The following GATAD2B variants were observed in gnomAD, a reference collection of about 807,000 sequenced individuals.
The protein encoded by GATAD2B is transcriptional repressor p66-beta.
Under a neutral mutation model 64.3 loss-of-function variants are expected in GATAD2B, and 8 were observed. That is an observed-to-expected ratio of 0.12 (90% CI 0.07 to 0.22). The LOEUF (loss-of-function observed/expected upper bound fraction) is 0.22. Ranked by LOEUF, GATAD2B falls within the 10% of genes least tolerant of loss-of-function variation. The pLI, the probability that GATAD2B is intolerant of heterozygous loss-of-function variation, is 1.00. For synonymous variants in GATAD2B, 281 were observed against 271.3 expected (o/e 1.04, Z -0.35); for missense variants, 453 against 752.0 (o/e 0.60, Z 4.65).
chr1:153,850,653 C>T (rs1325871377), intron 1 of GATAD2B, among the ~76,000 whole-genome samples: 4 of 152,004 alleles, frequency 2.6e-5, no homozygotes, highest in Non-Finnish European at 4.4e-5. Context: ...GGTGCGGTGG[C>T]TCACACCTGT....
chr1:153,898,139 AC>A (rs1468534493), intron 1 of GATAD2B, among the ~76,000 whole-genome samples: 3 of 151,718 alleles, frequency 2.0e-5, no homozygotes, highest in Admixed American at 2.0e-4. Flanking sequence ...CCCCATCTCT[AC>A]AAAAAGTACA....
chr1:153,921,864 G>C (rs899909766), intron 1 of GATAD2B: 1 of 152,174 alleles, frequency 6.6e-6, no homozygotes, highest in African/African-American at 2.4e-5. Context: ...AAGCTGTACC[G>C]GGCGCGCGAA....
intron 1 of GATAD2B, among the ~76,000 whole-genome samples, chr1:153,874,476 CT>C (rs1220319152): frequency 6.6e-6 from 1 of 152,134 alleles, no homozygotes; most frequent in Non-Finnish European, 1.5e-5. Flanking sequence ...ACCCTCCCTT[CT>C]TCAAAATCCT....
At chr1:153,919,036 T>G (rs1293379400) in intron 1 of GATAD2B, among the ~76,000 whole-genome samples, 1 of 152,224 alleles carries the variant, frequency 6.6e-6, no homozygotes, top group African/African-American at 2.4e-5. Context: ...ATGGAATTGC[T>G]ATAATTTCCC....
At chr1:153,880,281 G>GTGAAT (rs1553196291) in intron 1 of GATAD2B, among the ~76,000 whole-genome samples, 3 of 151,832 alleles carry the variant, frequency 2.0e-5, no homozygotes, top group Non-Finnish European at 4.4e-5. Context: ...GACCAACATG[G>GTGAAT]TGAAACCCTG....
chr1:153,864,568 G>A (rs1486428179), intron 1 of GATAD2B, among the ~76,000 whole-genome samples: 1 of 152,138 alleles, frequency 6.6e-6, no homozygotes, highest in Non-Finnish European at 1.5e-5. Flanking sequence ...AGTGAGCTAT[G>A]ATTGTGCCAC....
Position 153,824,763 on chromosome 1 carries a change from A to C in GATAD2B, c.335+3250T>G, listed in dbSNP as rs1674811150. Among the ~76,000 whole-genome samples the C allele has an allele frequency of 2.0e-5, 3 of 151,942 alleles. No individual in the cohort carries two copies. The South Asian group carries it at 6.2e-4, about 32-fold the overall frequency. On this transcript the variant is annotated intron_variant, in intron 2 of 10. Transcript: ENST00000368655. ...AGGAGCAGGACTGAAAACAGGAAAA[A>C]AAAAAAGAGTGTTAACAAAGTTTCT...
intron 1 of GATAD2B, among the ~76,000 whole-genome samples, chr1:153,840,972 A>G (rs988688612): frequency 6.6e-6 from 1 of 151,986 alleles, no homozygotes; most frequent in Non-Finnish European, 1.5e-5. Flanking sequence ...AAAAATAGAA[A>G]AAGTTAGCCG....
intron 1 of GATAD2B, among the ~76,000 whole-genome samples, chr1:153,915,193 G>A (rs545202661): frequency 2.8e-4 from 43 of 152,184 alleles, no homozygotes; most frequent in African/African-American, 6.5e-4. Flanking sequence ...TTGGGAGGCC[G>A]AGTCAGGCGG....
intron 1 of GATAD2B, among the ~76,000 whole-genome samples, chr1:153,921,546 G>C (rs558107004): frequency 6.6e-6 from 1 of 151,682 alleles, no homozygotes; most frequent in African/African-American, 2.4e-5. Context: ...AGTATCCTTC[G>C]CCTCTGCTGA....
In GATAD2B at chr1:153,816,019, C is replaced by T. The variant is rs1374894079; in HGVS notation, c.1216+254G>A. Among the ~76,000 whole-genome samples the T allele has an allele frequency of 1.3e-5, 2 of 151,294 alleles. No individual in the cohort carries two copies. The highest frequency in any genetic ancestry group is 3.9e-4 in the East Asian group (2 of 5,146). On this transcript the variant is annotated intron_variant, in intron 7 of 10. Coordinates refer to ENST00000368655, the MANE Select transcript of GATAD2B (RefSeq NM_020699.4). The surrounding 1 kb of genome is among the most constrained non-coding windows in gnomAD (Gnocchi z 4.9). ...AGTGAACTGAGATTGTGCCACTGCACTCCAGCCTGGGCAACAGAGCGAGAC... is the reference window on the plus strand; with the variant it reads ...AGTGAACTGAGATTGTGCCACTGCATTCCAGCCTGGGCAACAGAGCGAGAC...
chr1:153,858,471 G>A (rs1339212975), intron 1 of GATAD2B, among the ~76,000 whole-genome samples: 1 of 152,156 alleles, frequency 6.6e-6, no homozygotes, highest in East Asian at 1.9e-4. Context: ...CCAGGATGGT[G>A]GCATGCACCT....
chr1:153,832,982 G>C (rs1031482171), intron 1 of GATAD2B, among the ~76,000 whole-genome samples: 2 of 152,176 alleles, frequency 1.3e-5, no homozygotes, highest in Non-Finnish European at 2.9e-5. Context: ...AGGCTAATAT[G>C]GCTGGTGACT....
chr1:153,898,486 G>C (rs1677671743), intron 1 of GATAD2B, among the ~76,000 whole-genome samples: 1 of 152,082 alleles, frequency 6.6e-6, no homozygotes, highest in South Asian at 2.1e-4. Context: ...AGCACTTCGG[G>C]AGGCCAAGGT....
intron 1 of GATAD2B, among the ~76,000 whole-genome samples, chr1:153,860,547 C>G (rs902761200): frequency 2.0e-4 from 30 of 152,068 alleles, no homozygotes; most frequent in African/African-American, 7.2e-4. Context: ...GTTGCCCAGG[C>G]TGGTCTCAAA....
chr1:153,818,018 G>T, intron 5 of GATAD2B, 22 bp downstream of exon 5: 1 of 1,567,696 alleles, frequency 6.4e-7, no homozygotes, highest in Non-Finnish European at 8.6e-7. Flanking sequence ...CCAACACTAA[G>T]ATCCCACTAT....
At chr1:153,830,951 T>C (rs1365845009) in intron 1 of GATAD2B, among the ~76,000 whole-genome samples, 1 of 152,140 alleles carries the variant, frequency 6.6e-6, no homozygotes, top group Non-Finnish European at 1.5e-5. Flanking sequence ...TTTTAGTTTT[T>C]TGTAGGACAA....
At chr1:153,818,531 C>G (rs930515832) in intron 4 of GATAD2B, among the ~76,000 whole-genome samples, 1 of 151,760 alleles carries the variant, frequency 6.6e-6, no homozygotes, top group Non-Finnish European at 1.5e-5. Context: ...AGCCAGGATG[C>G]TCTCGATCTC....
intron 1 of GATAD2B, among the ~76,000 whole-genome samples, chr1:153,874,327 G>A (rs1676760562): frequency 6.6e-6 from 1 of 152,046 alleles, no homozygotes; most frequent in African/African-American, 2.4e-5. Context: ...CCCAGTCTCA[G>A]GTTATAGCAA....
Sources: allele counts gnomAD v4.1 joint callset (sites outside exome capture counted in the v4.1 genomes callset), GRCh38; gene constraint gnomAD v4.1.1; non-coding constraint Gnocchi (gnomAD v3.1); transcripts MANE v1.5; gene names NCBI Gene and HGNC (gene_info 2026-07-23, HGNC 2026-07-21).